The following GRAMD1B variants were observed in gnomAD, a reference collection of about 807,000 sequenced individuals.
GRAMD1B encodes GRAM domain containing 1B, also known as protein Aster-B.
GRAMD1B carries 37 observed loss-of-function variants against 99.7 expected under a neutral mutation model. That is an observed-to-expected ratio of 0.37 (90% CI 0.29 to 0.49). The LOEUF is 0.49. GRAMD1B is among the 20% of genes least tolerant of loss of function. The pLI is 0.98. For missense variants in GRAMD1B, 888 were observed against 1,009.2 expected (o/e 0.88, Z 1.63); for synonymous variants, 427 against 387.6 (o/e 1.10, Z -1.19).
chr11:123,529,056 T>C (rs895975453), intron 2 of GRAMD1B, among the ~76,000 whole-genome samples: 2 of 152,190 alleles, frequency 1.3e-5, no homozygotes, highest in Non-Finnish European at 2.9e-5. Context: ...GATCAAGTAT[T>C]ATTTTTGCAG....
At chr11:123,476,419 C>T (rs1169048491) in intron 1 of GRAMD1B, among the ~76,000 whole-genome samples, 2 of 152,194 alleles carry the variant, frequency 1.3e-5, no homozygotes, top group African/African-American at 4.8e-5. Flanking sequence ...TTCTTTAAGA[C>T]TGTTGAAAAA....
chr11:123,362,686 A>C (rs759274809), intron 1 of GRAMD1B, among the ~76,000 whole-genome samples: 1 of 152,206 alleles, frequency 6.6e-6, no homozygotes, highest in Admixed American at 6.5e-5. Context: ...TTTGCAGCTC[A>C]TCTGCCATCC....
intron 1 of GRAMD1B, among the ~76,000 whole-genome samples, chr11:123,471,455 G>A (rs1262720781): frequency 6.6e-6 from 1 of 152,060 alleles, no homozygotes; most frequent in Non-Finnish European, 1.5e-5. Flanking sequence ...AACATTTTAG[G>A]ACCAAATAGA....
chr11:123,471,030 G>C (rs1030199187), intron 1 of GRAMD1B, among the ~76,000 whole-genome samples: 2 of 152,122 alleles, frequency 1.3e-5, no homozygotes, highest in Non-Finnish European at 2.9e-5. Context: ...CGCATGTGAC[G>C]AGTGACCACA....
intron 1 of GRAMD1B, among the ~76,000 whole-genome samples, chr11:123,379,418 A>C (rs1043576855): frequency 1.1e-4 from 17 of 152,100 alleles, no homozygotes; most frequent in African/African-American, 3.6e-4. Context: ...TAAAAAAAAA[A>C]CAAACTTCTA....
chr11:123,527,766 C>T (rs1942949114), intron 2 of GRAMD1B, among the ~76,000 whole-genome samples: 2 of 152,298 alleles, frequency 1.3e-5, no homozygotes, highest in African/African-American at 2.4e-5. Context: ...CTTCCGCGCC[C>T]CTGCTGTCAG....
chr11:123,519,583 C>A (rs1256818941), intron 2 of GRAMD1B, among the ~76,000 whole-genome samples: 1 of 152,222 alleles, frequency 6.6e-6, no homozygotes, highest in Admixed American at 6.5e-5. Flanking sequence ...GATTCCCCAA[C>A]GTGTGACTGC....
At chr11:123,414,502 G>A (rs1208132691) in intron 1 of GRAMD1B, among the ~76,000 whole-genome samples, 1 of 152,118 alleles carries the variant, frequency 6.6e-6, no homozygotes, top group African/African-American at 2.4e-5. Context: ...TGTTTTTATA[G>A]ATGAATGCTT....
chr11:123,406,421 T>C (rs181563569), intron 1 of GRAMD1B, among the ~76,000 whole-genome samples: 4 of 152,104 alleles, frequency 2.6e-5, no homozygotes, highest in Non-Finnish European at 4.4e-5. Context: ...ACCCAGCTAA[T>C]GTTGGTATTT....
intron 2 of GRAMD1B, among the ~76,000 whole-genome samples, chr11:123,521,889 T>C (rs565646387): frequency 6.6e-6 from 1 of 152,364 alleles, no homozygotes; most frequent in African/African-American, 2.4e-5. Context: ...CACTATTTTC[T>C]GCCATCACTA....
At chr11:123,599,847 C>T (rs1280042707) in intron 7 of GRAMD1B, among the ~76,000 whole-genome samples, 1 of 152,192 alleles carries the variant, frequency 6.6e-6, no homozygotes, top group Non-Finnish European at 1.5e-5. Flanking sequence ...GCCTGTTACC[C>T]TTTATTAGTT....
chr11:123,400,142 G>A (rs1164613370), intron 1 of GRAMD1B, among the ~76,000 whole-genome samples: 2 of 151,888 alleles, frequency 1.3e-5, no homozygotes, highest in Non-Finnish European at 2.9e-5. Context: ...AGTCCATTTG[G>A]GGTACTGTAA....
At chr11:123,538,628 T>A (rs897090331) in intron 2 of GRAMD1B, among the ~76,000 whole-genome samples, 1 of 151,594 alleles carries the variant, frequency 6.6e-6, no homozygotes, top group Non-Finnish European at 1.5e-5. Flanking sequence ...TATTTTATTT[T>A]ATTTTTTTTT....
chr11:123,525,056 G>A (rs1942569682), intron 2 of GRAMD1B, among the ~76,000 whole-genome samples: 1 of 152,172 alleles, frequency 6.6e-6, no homozygotes, highest in Non-Finnish European at 1.5e-5. Flanking sequence ...TGCTGTGGCT[G>A]GTCTGCATCT....
chr11:123,427,982 T>A (rs1035842363), upstream of GRAMD1B, among the ~76,000 whole-genome samples: 6 of 152,100 alleles, frequency 3.9e-5, no homozygotes, highest in South Asian at 1.0e-3. Context: ...AAATTCAGAG[T>A]GCCCAGAACA....
chr11:123,456,987 C>T (rs1275466471), intron 1 of GRAMD1B, among the ~76,000 whole-genome samples: 1 of 150,478 alleles, frequency 6.6e-6, no homozygotes, highest in Non-Finnish European at 1.5e-5. Flanking sequence ...TGCCTCATGC[C>T]TGTGGTCCCA....
chr11:123,505,496 A>G (rs992530481), intron 2 of GRAMD1B, among the ~76,000 whole-genome samples: 1 of 152,224 alleles, frequency 6.6e-6, no homozygotes, highest in Non-Finnish European at 1.5e-5. Flanking sequence ...TGAAAAACAA[A>G]CACCTAACTC....
At chr11:123,404,080 A>G (rs1947769704) in intron 1 of GRAMD1B, among the ~76,000 whole-genome samples, 1 of 152,132 alleles carries the variant, frequency 6.6e-6, no homozygotes, top group Non-Finnish European at 1.5e-5. Context: ...GCAGTTTGAC[A>G]TGTTCTCTGT....
intron 6 of GRAMD1B, among the ~76,000 whole-genome samples, chr11:123,595,568 A>G (rs1369646254): frequency 2.0e-5 from 3 of 152,156 alleles, no homozygotes; most frequent in African/African-American, 7.2e-5. Context: ...TGCTGTGATT[A>G]CAGATGTGAG....
Sources: allele counts gnomAD v4.1 joint callset (sites outside exome capture counted in the v4.1 genomes callset), GRCh38; gene constraint gnomAD v4.1.1; transcripts MANE v1.5; gene names NCBI Gene and HGNC (gene_info 2026-07-23, HGNC 2026-07-21).